PTPRN2: variants seen among roughly 807,000 people sequenced by gnomAD.
PTPRN2 encodes the protein protein tyrosine phosphatase receptor type N2.
PTPRN2 carries 74 observed loss-of-function variants against 118.8 expected under a neutral mutation model. That is an observed-to-expected ratio of 0.62 (90% CI 0.52 to 0.76). The LOEUF is 0.76. Ranked by LOEUF, PTPRN2 falls within the 30% of genes least tolerant of loss-of-function variation. The pLI is 0.00. For missense variants in PTPRN2, 1,481 were observed against 1,394.4 expected (o/e 1.06, Z -0.99); for synonymous variants, 641 against 608.0 (o/e 1.05, Z -0.80).
intron 2 of PTPRN2, among the ~76,000 whole-genome samples, chr7:158,402,434 C>A (rs1033183126): frequency 6.6e-6 from 1 of 152,170 alleles, no homozygotes; most frequent in Non-Finnish European, 1.5e-5. Context: ...GCACCCCACG[C>A]CCTCTTCTCT....
intron 1 of PTPRN2, among the ~76,000 whole-genome samples, chr7:158,506,266 C>T (rs938936877): frequency 2.6e-5 from 4 of 152,192 alleles, no homozygotes; most frequent in Admixed American, 2.0e-4. Context: ...CCCCTCTCCC[C>T]GGAGGTGCCA....
At chr7:157,697,291 G>A (rs1320605807) in intron 12 of PTPRN2, among the ~76,000 whole-genome samples, 2 of 144,706 alleles carry the variant, frequency 1.4e-5, no homozygotes, top group African/African-American at 5.2e-5. Flanking sequence ...ATCTACCCAT[G>A]CATACTGGGT....
intron 10 of PTPRN2, among the ~76,000 whole-genome samples, chr7:158,096,163 GT>G (rs1814612986): frequency 6.6e-6 from 1 of 152,192 alleles, no homozygotes; most frequent in Non-Finnish European, 1.5e-5. Flanking sequence ...CGTTATTCTA[GT>G]TTTTCCTAGA....
At chr7:157,699,763 G>A (rs1225835870) in intron 12 of PTPRN2, among the ~76,000 whole-genome samples, 1 of 152,178 alleles carries the variant, frequency 6.6e-6, no homozygotes, top group African/African-American at 2.4e-5. Context: ...TGCGGAGCAG[G>A]TTCAGGGTAA....
chr7:158,420,125 G>A (rs560458108), intron 2 of PTPRN2, among the ~76,000 whole-genome samples: 27 of 152,290 alleles, frequency 1.8e-4, no homozygotes, highest in Admixed American at 5.2e-4. Context: ...AAAGAACTGG[G>A]AACATGTTCT....
chr7:157,974,863 G>C lies in PTPRN2; in HGVS notation c.1724-76126C>G, dbSNP rs1802618818. ...GTGCGGGCGGGCACTGAGAAGAGGTGCCCACGTCCATCCCCAGCCCCTCAG... is the reference window on the plus strand; with the variant it reads ...GTGCGGGCGGGCACTGAGAAGAGGTCCCCACGTCCATCCCCAGCCCCTCAG... On this transcript the variant is annotated intron_variant, in intron 11 of 22. Transcript: ENST00000389418. The surrounding 1 kb of genome is among the most constrained non-coding windows in gnomAD (Gnocchi z 4.0). 6.6e-6 allele frequency among the ~76,000 whole-genome samples: 1 copy of C among 152,092 alleles called. No homozygotes were observed. The highest frequency in any genetic ancestry group is 1.5e-5 in the Non-Finnish European group (1 of 67,984).
intron 2 of PTPRN2, among the ~76,000 whole-genome samples, chr7:158,329,117 G>A (rs1219137692): frequency 6.6e-6 from 1 of 152,226 alleles, no homozygotes; most frequent in Non-Finnish European, 1.5e-5. Flanking sequence ...ACTGCACCGA[G>A]GGAGGCGCAC....
chr7:158,400,048 C>G (rs1488938195), intron 2 of PTPRN2, among the ~76,000 whole-genome samples: 2 of 152,168 alleles, frequency 1.3e-5, no homozygotes, highest in African/African-American at 4.8e-5. Flanking sequence ...CTCAGGCCAC[C>G]TTTCATACTG....
intron 4 of PTPRN2, among the ~76,000 whole-genome samples, chr7:158,198,274 G>A (rs146476052): frequency 5.8e-4 from 88 of 152,252 alleles, no homozygotes; most frequent in South Asian, 4.2e-3. Context: ...TCATTATGCC[G>A]CGTGGTGTTG....
At chr7:157,657,094 GCCACACACACACA>G (rs202194251) in intron 13 of PTPRN2, among the ~76,000 whole-genome samples, 14,149 of 40,030 alleles carry the variant, frequency 0.35, 2,627 homozygotes, top group Admixed American at 0.39. Context: ...ACACACATAC[GCCACACACACACA>G]CCACACACAT....
intron 12 of PTPRN2, among the ~76,000 whole-genome samples, chr7:157,741,810 T>C (rs556582355): frequency 6.6e-6 from 1 of 152,334 alleles, no homozygotes; most frequent in South Asian, 2.1e-4. Context: ...AGCTTTGCTC[T>C]TCATGTCCCC....
intron 6 of PTPRN2, among the ~76,000 whole-genome samples, chr7:158,163,825 G>A (rs141932816): frequency 1.3e-5 from 2 of 151,686 alleles, no homozygotes; most frequent in African/African-American, 2.4e-5. Context: ...AATATTCTCT[G>A]TATATTTCGT....
At chr7:157,752,564 C>T (rs897290996) in intron 12 of PTPRN2, among the ~76,000 whole-genome samples, 3 of 152,212 alleles carry the variant, frequency 2.0e-5, no homozygotes, top group African/African-American at 4.8e-5. Flanking sequence ...TTCCAGCTGG[C>T]TTCTTCACCC....
At chr7:158,067,773 C>G (rs1379212612) in intron 11 of PTPRN2, among the ~76,000 whole-genome samples, 1 of 152,032 alleles carries the variant, frequency 6.6e-6, no homozygotes. Flanking sequence ...CACACCGGGT[C>G]AGGCCGGGCC....
chr7:158,071,450 CGTGGTTG>C lies in PTPRN2; in HGVS notation c.1723+9841_1723+9847del, dbSNP rs1811619644. 2.6e-4 allele frequency among the ~76,000 whole-genome samples: 7 copies of C among 26,888 alleles called. No individual in the cohort carries two copies. The East Asian group carries it at 6.1e-3, about 24-fold the overall frequency. The allele number at this position is 26,888 out of a possible 152,430, so 17.6% of individuals were successfully genotyped here. ...AGGTGCTCGTGGTGGTGGAGGTGCT[CGTGGTTG>C]AGGTGCTCGTGGTGGTGGAGGTTCT... On this transcript the variant is annotated intron_variant, in intron 11 of 22. Transcript: ENST00000389418.
At chr7:157,646,757 C>T (rs904177218) in intron 14 of PTPRN2, among the ~76,000 whole-genome samples, 1 of 152,190 alleles carries the variant, frequency 6.6e-6, no homozygotes, top group African/African-American at 2.4e-5. Context: ...AACGTCCCCT[C>T]AAGCAAGTTA....
intron 21 of PTPRN2, among the ~76,000 whole-genome samples, chr7:157,552,918 G>A (rs1227738733): frequency 1.3e-5 from 2 of 152,214 alleles, no homozygotes; most frequent in African/African-American, 2.4e-5. Flanking sequence ...GCATGATTAC[G>A]TGTAATTTAC....
chr7:157,790,253 GGT>G (rs1360480255), intron 12 of PTPRN2, among the ~76,000 whole-genome samples: 1 of 139,874 alleles, frequency 7.1e-6, no homozygotes, highest in Non-Finnish European at 1.6e-5. Flanking sequence ...CTGTGGTGGG[GGT>G]GTGTGTGTGG....
rs1000799715 is a variant in PTPRN2, at chr7:157,611,717, G to A, written c.2345-7642C>T. Among the ~76,000 whole-genome samples the A allele has an allele frequency of 1.5e-4, 23 of 151,942 alleles. No homozygotes were observed. Among genetic ancestry groups the A allele is most frequent in the Non-Finnish European group, 2.6e-4 (18 of 67,984 alleles). On this transcript the variant is annotated intron_variant, in intron 15 of 22. Coordinates refer to ENST00000389418, the MANE Select transcript of PTPRN2 (RefSeq NM_002847.5). The surrounding 1 kb of genome is among the most constrained non-coding windows in gnomAD (Gnocchi z 5.9). ...CGCCCGTGTGAAGACGAAGACAGCC[G>A]CGGTCATGCTGGGGACACGCGGAGG...
Sources: allele counts gnomAD v4.1 joint callset (sites outside exome capture counted in the v4.1 genomes callset), GRCh38; gene constraint gnomAD v4.1.1; non-coding constraint Gnocchi (gnomAD v3.1); transcripts MANE v1.5; gene names NCBI Gene and HGNC (gene_info 2026-07-23, HGNC 2026-07-21).